Variants in ARRDC4 observed in about 807,000 individuals in gnomAD.
ARRDC4 encodes the protein arrestin domain containing 4.
Under a neutral mutation model 44.6 loss-of-function variants are expected in ARRDC4, and 40 were observed. The observed-to-expected ratio is 0.90, with a 90% CI of 0.70 to 1.17. The LOEUF (loss-of-function observed/expected upper bound fraction) is 1.17. Ranked by LOEUF, ARRDC4 falls within the 50% of genes most tolerant of loss-of-function variation. The probability of loss-of-function intolerance (pLI) is 0.00; values close to 1 mark genes in which losing one functional copy is unlikely to be tolerated. For synonymous variants in ARRDC4, 211 were observed against 221.2 expected (o/e 0.95, Z 0.41); for missense variants, 550 against 559.1 (o/e 0.98, Z 0.16).
chr15:97,970,102 C>G lies in ARRDC4; in HGVS notation c.1045+57C>G. 6.5e-7 allele frequency: 1 copy of G among 1,537,604 alleles called. No individual in the cohort carries two copies. On this transcript the variant is annotated intron_variant, in intron 6 of 7. Transcript: ENST00000268042. This position sits in a 1 kb window ranked among gnomAD's most constrained non-coding sequence, Gnocchi z 4.2. ...GCTTTACCTAGAAAATACCTAGGAACAGAATATATACACTATTAAGTGCTC... is the reference window on the plus strand; with the variant it reads ...GCTTTACCTAGAAAATACCTAGGAAGAGAATATATACACTATTAAGTGCTC...
In ARRDC4 at chr15:97,970,694, T is replaced by C. The variant is rs747189613; in HGVS notation, c.1151T>C (p.Phe384Ser). ...GAGGGAGAAGTGTGCTGTCCTGTGT[T>C]TGCCTGTATACAAGAATTCCGGTTT... ...NCEGEVCCPVFACIQEFRFQP... is the reference protein window; with the variant it reads ...NCEGEVCCPVSACIQEFRFQP... Residue 384 changes from phenylalanine (F) to serine (S), a missense_variant, in exon 7 of 8, where the codon TTT (phenylalanine) becomes TCT (serine). Physicochemically the swap from Phe to Ser is radical, Grantham distance 155. Transcript: ENST00000268042. The surrounding 1 kb of genome is among the most constrained non-coding windows in gnomAD (Gnocchi z 4.2). The C allele has an allele frequency of 3.7e-6, 6 of 1,613,578 alleles. No individual in the cohort carries two copies. Among genetic ancestry groups the C allele is most frequent in the Non-Finnish European group, 4.2e-6 (5 of 1,179,668 alleles).
At position 97,971,157 on chromosome 15, in the gene ARRDC4, A is replaced by C; in HGVS notation, c.1227A>C (p.Glu409Asp). Reference sequence around the variant, plus strand: ...TTGACCCACATCCTAGCGACGTAGAAGAGAGCCAGCCTGTTTCCTTCATTC... The same window carrying C: ...TTGACCCACATCCTAGCGACGTAGACGAGAGCCAGCCTGTTTCCTTCATTC... Reference protein sequence around the residue: ...SEVDPHPSDVEESQPVSFIL With the variant: ...SEVDPHPSDVDESQPVSFIL The change falls in exon 8 of 8, where the codon GAA becomes GAC. Residue 409 changes from glutamate to aspartate, a missense_variant. Physicochemically the swap from Glu to Asp is conservative, Grantham distance 45. Coordinates refer to ENST00000268042, the MANE Select transcript of ARRDC4 (RefSeq NM_183376.3). 1 of 1,613,452 alleles carries C rather than the reference A, an allele frequency of 6.2e-7. No individual in the cohort carries two copies. The highest frequency in any genetic ancestry group is 1.1e-5 in the South Asian group (1 of 91,070).
intron 1 of ARRDC4, among the ~76,000 whole-genome samples, chr15:97,961,670 G>T (rs1025019808): frequency 1.3e-5 from 2 of 152,206 alleles, no homozygotes; most frequent in African/African-American, 2.4e-5. Flanking sequence ...TTCAAAGGAA[G>T]TGTTTTCCAG....
chr15:97,964,628 G>T (rs769136776), intron 1 of ARRDC4, among the ~76,000 whole-genome samples: 8 of 152,048 alleles, frequency 5.3e-5, no homozygotes, highest in Non-Finnish European at 7.4e-5. Flanking sequence ...ATAAGCTTCT[G>T]CCTGAAATAA....
Position 97,962,762 on chromosome 15 carries a change from GA to G in ARRDC4, c.307+1602del, listed in dbSNP as rs556202560. Among the ~76,000 whole-genome samples the G allele has an allele frequency of 1.1e-4, 16 of 151,760 alleles. No homozygotes were observed. The South Asian group carries it at 2.5e-3, about 24-fold the overall frequency. Reference sequence around the variant, plus strand: ...AAAATCATAGTCTCTTTTAGTTGGGGAAAAAAAATAAGTCACCCCTAATATC... The same window carrying G: ...AAAATCATAGTCTCTTTTAGTTGGGGAAAAAAATAAGTCACCCCTAATATC... On this transcript the variant is annotated intron_variant, in intron 1 of 7. Coordinates refer to ENST00000268042, the MANE Select transcript of ARRDC4 (RefSeq NM_183376.3).
rs577316134 is a variant in ARRDC4 at position 97,973,688 on chromosome 15, G to A, written c.*2501G>A. The A allele has an allele frequency of 1.3e-5, 2 of 152,588 alleles. No individual in the cohort carries two copies. The highest frequency in any genetic ancestry group is 4.2e-4 in the South Asian group (2 of 4,814). The allele number at this position is 152,588 out of a possible 1,614,324, so 9.5% of individuals were successfully genotyped here. A position where few individuals can be genotyped will look rare whatever the true frequency, so the allele number is the denominator to read the frequency against. On this transcript the variant is annotated 3_prime_UTR_variant, in exon 8 of 8. Coordinates refer to ENST00000268042, the MANE Select transcript of ARRDC4 (RefSeq NM_183376.3). ...TTGCACAGTAAGAAACAATAGGCAA[G>A]CGTTATGTTTTTGGTAAGTTAACTA... is the stretch of plus-strand genomic sequence containing the variant.
chr15:97,961,644 T>A (rs1899323513), intron 1 of ARRDC4, among the ~76,000 whole-genome samples: 2 of 152,176 alleles, frequency 1.3e-5, no homozygotes, highest in Non-Finnish European at 2.9e-5. Flanking sequence ...GGGAAGTAGT[T>A]TCTGAGGGGT....
In ARRDC4 at chr15:97,960,941, A is replaced by G. The variant is rs1363493672; in HGVS notation, c.80A>G (p.Glu27Gly). 1 of 1,466,510 alleles carries G rather than the reference A, an allele frequency of 6.8e-7. No homozygotes were observed. Among genetic ancestry groups the G allele is most frequent in the Non-Finnish European group, 9.0e-7 (1 of 1,106,088 alleles). The allele number at this position is 1,466,510 out of a possible 1,614,324, so 90.8% of individuals were successfully genotyped here. Residue 27 changes from glutamate to glycine, a missense_variant, in exon 1 of 8, where the codon GAG becomes GGG. By Grantham distance (98) the Glu-to-Gly change is moderately conservative (BLOSUM62 -2). Transcript: ENST00000268042. ...AGCCTGGGTCTGGTGTTCGAGGACG[A>G]GCGCAAGGGCTGCTATTCCAGCGGC... ...VKSLGLVFED[E>G]RKGCYSSGET...
At chr15:97,963,151 C>T (rs966660631) in intron 1 of ARRDC4, among the ~76,000 whole-genome samples, 2 of 152,156 alleles carry the variant, frequency 1.3e-5, no homozygotes, top group African/African-American at 2.4e-5. Flanking sequence ...CTGCATCCCA[C>T]GGCTCATCAA....
chr15:97,971,157 A>G lies in ARRDC4; in HGVS notation c.1227A>G (p.Glu409=), dbSNP rs199807688. 70 of 1,613,334 alleles carry G rather than the reference A, an allele frequency of 4.3e-5. No homozygotes were observed. The highest frequency in any genetic ancestry group is 5.8e-5 in the Non-Finnish European group (68 of 1,179,444). Residue 409 remains glutamate (E), a synonymous_variant, in exon 8 of 8, where the codon GAA becomes GAG. Coordinates refer to ENST00000268042, the MANE Select transcript of ARRDC4 (RefSeq NM_183376.3). ...SEVDPHPSDV[E]ESQPVSFIL ...TTGACCCACATCCTAGCGACGTAGA[A>G]GAGAGCCAGCCTGTTTCCTTCATTC... is the stretch of plus-strand genomic sequence containing the variant.
intron 1 of ARRDC4, among the ~76,000 whole-genome samples, chr15:97,961,542 T>A (rs532296554): frequency 8.3e-4 from 126 of 152,342 alleles, no homozygotes; most frequent in Admixed American, 2.5e-3. Flanking sequence ...GGTTCCATTC[T>A]GCGGTGCCCG....
In ARRDC4 at chr15:97,970,469, G is replaced by C; in HGVS notation, c.1046-120G>C. ...AATATGCATAAAACCTTGCTGATTA[G>C]AGGGAAAGAATGCCATATTTTTTAT... On this transcript the variant is annotated intron_variant, in intron 6 of 7. Transcript: ENST00000268042. The surrounding 1 kb of genome is among the most constrained non-coding windows in gnomAD (Gnocchi z 4.2). 9.6e-7 allele frequency: 1 copy of C among 1,039,632 alleles called. No homozygotes were observed. The highest frequency in any genetic ancestry group is 1.7e-5 in the South Asian group (1 of 58,410). 64.4% of individuals were successfully genotyped at this position (1,039,632 alleles called of 1,614,324 possible).
At chr15:97,969,751 A>G (rs1899475832) in intron 5 of ARRDC4, 132 bp from the exon 6 acceptor site, 1 of 789,178 alleles carries the variant, frequency 1.3e-6, no homozygotes, top group South Asian at 2.0e-5. Flanking sequence ...GACAATTGAG[A>G]ATTGTGATGG....
In ARRDC4 at chr15:97,970,745, T is replaced by TAAGCAAAGC; in HGVS notation, c.1200+5_1200+13dup. ...CAACCCCCACCTCTTTATTCAGAGG[T>TAAGCAAAGC]AAGCAAAGCAAAAGAAAATTAGACT... is the stretch of plus-strand genomic sequence containing the variant. On this transcript the variant is annotated splice_region_variant and intron_variant, in intron 7 of 7. Transcript: ENST00000268042. The surrounding 1 kb of genome is among the most constrained non-coding windows in gnomAD (Gnocchi z 4.2). The TAAGCAAAGC allele has an allele frequency of 6.2e-7, 1 of 1,604,816 alleles. No homozygotes were observed. The highest frequency in any genetic ancestry group is 1.1e-5 in the South Asian group (1 of 89,462).
Position 97,970,469 on chromosome 15 carries a change from G to A in ARRDC4, c.1046-120G>A. On this transcript the variant is annotated intron_variant, in intron 6 of 7. Transcript: ENST00000268042. The surrounding 1 kb of genome is among the most constrained non-coding windows in gnomAD (Gnocchi z 4.2). ...AATATGCATAAAACCTTGCTGATTA[G>A]AGGGAAAGAATGCCATATTTTTTAT... 1 of 1,039,632 alleles carries A rather than the reference G, an allele frequency of 9.6e-7. No individual in the cohort carries two copies. Among genetic ancestry groups the A allele is most frequent in the Non-Finnish European group, 1.4e-6 (1 of 727,092 alleles). The allele number at this position is 1,039,632 out of a possible 1,614,324, so 64.4% of individuals were successfully genotyped here. A position where few individuals can be genotyped will look rare whatever the true frequency, so the allele number is the denominator to read the frequency against.
rs1016469402 is a variant in ARRDC4, at chr15:97,972,209, G to A, written c.*1022G>A. On this transcript the variant is annotated 3_prime_UTR_variant, in exon 8 of 8. Coordinates refer to ENST00000268042, the MANE Select transcript of ARRDC4 (RefSeq NM_183376.3). This position sits in a 1 kb window ranked among gnomAD's most constrained non-coding sequence, Gnocchi z 5.3. Reference sequence around the variant, plus strand: ...CTGGGCCAAGGGGAAAATTCAGTAAGTTAGCGTTAAATGGAAGTAAATATA... The same window carrying A: ...CTGGGCCAAGGGGAAAATTCAGTAAATTAGCGTTAAATGGAAGTAAATATA... 1.3e-5 allele frequency: 2 copies of A among 152,548 alleles called. No homozygotes were observed. Among genetic ancestry groups the A allele is most frequent in the African/African-American group, 4.8e-5 (2 of 41,426 alleles). The allele number at this position is 152,548 out of a possible 1,614,324, so 9.4% of individuals were successfully genotyped here.
At chr15:97,961,336 G>A (rs1272752461) in intron 1 of ARRDC4, among the ~76,000 whole-genome samples, 168 bp downstream of exon 1, 1 of 152,168 alleles carries the variant, frequency 6.6e-6, no homozygotes, top group Non-Finnish European at 1.5e-5. Context: ...CAAGTCCTGG[G>A]TGCGCAGCTC....
Position 97,966,689 on chromosome 15 carries a change from G to A in ARRDC4, c.522+647G>A, listed in dbSNP as rs756234671. Among the ~76,000 whole-genome samples, 25 of 152,162 alleles carry A rather than the reference G, an allele frequency of 1.6e-4. No homozygotes were observed. The highest frequency in any genetic ancestry group is 2.5e-4 in the Non-Finnish European group (17 of 68,028). On this transcript the variant is annotated intron_variant, in intron 3 of 7. Transcript: ENST00000268042. The surrounding 1 kb of genome is among the most constrained non-coding windows in gnomAD (Gnocchi z 4.7). ...AGTAACAACAGAATAGGCAAGATGG[G>A]AGCTAATGAGCTAGATTCTTTTATC...
In ARRDC4 at chr15:97,967,184, G is replaced by C. The variant is rs1231958307; in HGVS notation, c.523-830G>C. Among the ~76,000 whole-genome samples the C allele has an allele frequency of 6.6e-6, 1 of 152,076 alleles. No individual in the cohort carries two copies. The highest frequency in any genetic ancestry group is 1.5e-5 in the Non-Finnish European group (1 of 68,024). ...GTATTTTTAAAAACTACTTAGAATTGGGAGGCTGAATATTTTTAAAGTTTT... is the reference window on the plus strand; with the variant it reads ...GTATTTTTAAAAACTACTTAGAATTCGGAGGCTGAATATTTTTAAAGTTTT... On this transcript the variant is annotated intron_variant, in intron 3 of 7. Transcript: ENST00000268042. This position sits in a 1 kb window ranked among gnomAD's most constrained non-coding sequence, Gnocchi z 5.0.
Sources: gnomAD v4.1 joint callset for allele counts (sites outside exome capture counted in the v4.1 genomes callset) on GRCh38, gnomAD v4.1.1 for gene constraint, Gnocchi (gnomAD v3.1) non-coding constraint, MANE v1.5 for transcripts, NCBI Gene and HGNC (gene_info 2026-07-23, HGNC 2026-07-21) for gene names.